LVRN: variants seen among roughly 807,000 people sequenced by gnomAD.
The protein encoded by LVRN is aminopeptidase Q.
A neutral mutation model predicts 111.4 loss-of-function variants in LVRN; 99 were observed. The ratio of observed to expected loss-of-function variants is 0.89; its 90% CI spans 0.76 to 1.05. The LOEUF (loss-of-function observed/expected upper bound fraction) is 1.05, where lower values mean the gene tolerates loss of function less well. Among genes scored for constraint, LVRN ranks in the 50% least tolerant of loss-of-function variants. LVRN has a pLI of 0.00. For synonymous variants in LVRN, 488 were observed against 449.5 expected (o/e 1.09, Z -1.08); for missense variants, 1,414 against 1,206.8 (o/e 1.17, Z -2.54).
chr5:116,009,508 T>C (rs1224600054), intron 13 of LVRN, among the ~76,000 whole-genome samples: 1 of 152,170 alleles, frequency 6.6e-6, no homozygotes, highest in South Asian at 2.1e-4. Context: ...CCAAAGTAAA[T>C]TGAAAATCTT....
chr5:115,971,092 A>G (rs974015351), intron 1 of LVRN, among the ~76,000 whole-genome samples: 3 of 152,148 alleles, frequency 2.0e-5, no homozygotes, highest in Admixed American at 6.5e-5. Flanking sequence ...GTTTTAATTT[A>G]TATTTTCCCA....
Position 115,992,125 on chromosome 5 carries a change from A to G in LVRN, c.1108A>G (p.Ile370Val), listed in dbSNP as rs1462836701. 1 of 1,610,688 alleles carries G rather than the reference A, an allele frequency of 6.2e-7. No homozygotes were observed. The highest frequency in any genetic ancestry group is 1.7e-5 in the Admixed American group (1 of 59,342). ...NISYSLPKTDIIALPSFDNHA... is the reference protein window; with the variant it reads ...NISYSLPKTDVIALPSFDNHA... The stretch of plus-strand genomic sequence containing the variant: ...CTCCTCCATTTAAATCCACTTAGAT[A>G]TAATTGCCTTGCCTAGTTTTGACAA... The change falls in exon 5 of 20, where the codon ATA (isoleucine) becomes GTA (valine). Residue 370 changes from isoleucine (I) to valine (V), a missense_variant and splice_region_variant. By Grantham distance (29) the Ile-to-Val change is conservative. Transcript: ENST00000357872.
intron 18 of LVRN, 36 bp downstream of exon 18, chr5:116,015,801 C>T (rs17485148): frequency 0.73 from 1,167,935 of 1,606,180 alleles, 428,774 homozygotes; most frequent in East Asian, 0.96. Context: ...TTCATTTAGG[C>T]CACTGGTTTG....
chr5:116,001,499 C>A (rs530710924), intron 10 of LVRN, among the ~76,000 whole-genome samples: 40 of 152,300 alleles, frequency 2.6e-4, no homozygotes, highest in African/African-American at 8.2e-4. Flanking sequence ...GTGTGTTCCT[C>A]TTCATCCCTC....
At chr5:115,985,843 A>G (rs2112575146) in intron 3 of LVRN, among the ~76,000 whole-genome samples, 1 of 152,310 alleles carries the variant, frequency 6.6e-6, no homozygotes, top group East Asian at 1.9e-4. Context: ...CCTTAGGCCC[A>G]GTTCTTTCTA....
chr5:115,982,512 G>GT lies in LVRN; in HGVS notation c.696-768dup, dbSNP rs1753581624. Among the ~76,000 whole-genome samples, 4 of 152,190 alleles carry GT rather than the reference G, an allele frequency of 2.6e-5. No homozygotes were observed. The South Asian group carries it at 6.2e-4, about 24-fold the overall frequency. On this transcript the variant is annotated intron_variant, in intron 1 of 19. Coordinates refer to ENST00000357872, the MANE Select transcript of LVRN (RefSeq NM_173800.5). ...GCAAATGGGATAATGAGACTGCAGGGTTTTTTTGTTTTGTTTGTTTTGAGA... is the reference window on the plus strand; with the variant it reads ...GCAAATGGGATAATGAGACTGCAGGGTTTTTTTTGTTTTGTTTGTTTTGAGA...
Position 115,984,655 on chromosome 5 carries a change from C to T in LVRN, c.924C>T (p.Val308=), listed in dbSNP as rs750451334. 5.0e-6 allele frequency: 8 copies of T among 1,613,474 alleles called. No homozygotes were observed. In the East Asian group the frequency reaches 6.7e-5, roughly 13 times the overall value. The change falls in exon 3 of 20, where the codon GTC becomes GTT. Residue 308 remains valine, a synonymous_variant. Coordinates refer to ENST00000357872, the MANE Select transcript of LVRN (RefSeq NM_173800.5). The part of the protein sequence containing the change: ...STTPHMPTYL[V]AFVICDYDHV... ...CGCCCCACATGCCAACTTACTTAGT[C>T]GCATTTGTTATATGTGACTATGACC...
intron 2 of LVRN, among the ~76,000 whole-genome samples, chr5:115,984,160 C>A (rs889762296): frequency 2.0e-5 from 3 of 152,168 alleles, no homozygotes; most frequent in African/African-American, 7.2e-5. Context: ...ATTGCTTCCA[C>A]TAAAGTCTTA....
chr5:116,012,404 TG>T lies in LVRN; in HGVS notation c.2280del (p.Trp760Ter). 1 of 1,527,298 alleles carries T rather than the reference TG, an allele frequency of 6.5e-7. No homozygotes were observed. The highest frequency in any genetic ancestry group is 9.0e-7 in the Non-Finnish European group (1 of 1,109,116). The allele number at this position is 1,527,298 out of a possible 1,614,324, so 94.6% of individuals were successfully genotyped here. On this transcript the variant is annotated frameshift_variant, in exon 15 of 20. Coordinates refer to ENST00000357872, the MANE Select transcript of LVRN (RefSeq NM_173800.5). LOFTEE classifies it high-confidence loss of function. ...CCTATTAAAGAGACTTAATTTAATA[TG>T]GAATATTTATTCAACTATAATTCGT... ...RYLLKRLNLI[W>X]NIYSTIIREN...
chr5:116,021,899 C>G (rs564262652), intron 18 of LVRN: 1 of 318,716 alleles, frequency 3.1e-6, no homozygotes, highest in Non-Finnish European at 6.1e-6. Flanking sequence ...TGGTGCTCAG[C>G]CTTCAGGGTC....
intron 6 of LVRN, among the ~76,000 whole-genome samples, chr5:115,996,045 A>G (rs1482228056): frequency 6.6e-6 from 1 of 152,154 alleles, no homozygotes; most frequent in African/African-American, 2.4e-5. Flanking sequence ...CTCTATGCCT[A>G]CAAAATTGTT....
In LVRN at chr5:115,987,925, C is replaced by G. The variant is rs753295773; in HGVS notation, c.1091C>G (p.Ser364Cys). 1.2e-6 allele frequency: 2 copies of G among 1,610,444 alleles called. No individual in the cohort carries two copies. Among genetic ancestry groups the G allele is most frequent in the South Asian group, 1.1e-5 (1 of 90,222 alleles). The change falls in exon 4 of 20, where the codon TCT (serine) becomes TGT (cysteine). Residue 364 changes from serine (S) to cysteine (C), a missense_variant. Ser to Cys is a moderately radical substitution (Grantham distance 112, BLOSUM62 -1). Coordinates refer to ENST00000357872, the MANE Select transcript of LVRN (RefSeq NM_173800.5). The stretch of plus-strand genomic sequence containing the variant: ...GAGGATTTGTTTAATATCAGTTACT[C>G]TCTTCCAAAAACAGGTGAGGTAATC... Reference protein sequence around the residue: ...FLEDLFNISYSLPKTDIIALP... With the variant: ...FLEDLFNISYCLPKTDIIALP...
At chr5:115,990,547 A>G (rs77943864) in intron 4 of LVRN, among the ~76,000 whole-genome samples, 11,159 of 152,030 alleles carry the variant, frequency 0.073, 510 homozygotes, top group East Asian at 0.19. Flanking sequence ...TTTATAGTGT[A>G]TTTTGGTGAA....
In LVRN at chr5:115,984,653, G is replaced by A. The variant is rs1438080608; in HGVS notation, c.922G>A (p.Val308Ile). The A allele has an allele frequency of 9.3e-6, 15 of 1,613,572 alleles. No homozygotes were observed. The highest frequency in any genetic ancestry group is 1.3e-5 in the Non-Finnish European group (15 of 1,179,760). ...STTPHMPTYL[V>I]AFVICDYDHV... is the part of the protein sequence containing the mutation. ...TACGCCCCACATGCCAACTTACTTAGTCGCATTTGTTATATGTGACTATGA... is the reference window on the plus strand; with the variant it reads ...TACGCCCCACATGCCAACTTACTTAATCGCATTTGTTATATGTGACTATGA... Residue 308 changes from valine to isoleucine, a missense_variant, in exon 3 of 20, where the codon GTC (valine) becomes ATC (isoleucine). By Grantham distance (29) the Val-to-Ile change is conservative. Coordinates refer to ENST00000357872, the MANE Select transcript of LVRN (RefSeq NM_173800.5).
At chr5:116,015,180 T>C (rs1211979540) in intron 16 of LVRN, 72 bp from the exon 17 acceptor site, 2 of 1,221,782 alleles carry the variant, frequency 1.6e-6, no homozygotes, top group African/African-American at 3.2e-5. Flanking sequence ...TCTAGATTCA[T>C]ACTTCTAAAA....
chr5:116,005,825 A>G (rs1296507728), intron 12 of LVRN, 87 bp from the exon 13 acceptor site: 2 of 1,072,400 alleles, frequency 1.9e-6, no homozygotes, highest in Non-Finnish European at 2.9e-6. Flanking sequence ...TATAGGCAGC[A>G]GTAATCTTTA....
chr5:116,015,600 T>C (rs1431513689), intron 17 of LVRN, 28 bp from the exon 18 acceptor site: 3 of 1,583,000 alleles, frequency 1.9e-6, no homozygotes, highest in East Asian at 4.5e-5. Context: ...ATGTTTAAAA[T>C]GTATTTTTTG....
intron 6 of LVRN, among the ~76,000 whole-genome samples, chr5:115,998,488 G>T (rs952105186): frequency 1.3e-5 from 2 of 152,180 alleles, no homozygotes; most frequent in Non-Finnish European, 2.9e-5. Context: ...ACATTTTAAT[G>T]GTGGCGACCT....
intron 18 of LVRN, among the ~76,000 whole-genome samples, chr5:116,018,397 C>T (rs116420140): frequency 0.033 from 5,054 of 151,876 alleles, 198 homozygotes; most frequent in African/African-American, 0.096. Flanking sequence ...TCTACATTTC[C>T]GGTGGCTCAC....
Sources: gnomAD v4.1 joint callset for allele counts (sites outside exome capture counted in the v4.1 genomes callset) on GRCh38, gnomAD v4.1.1 for gene constraint, MANE v1.5 for transcripts, NCBI Gene and HGNC (gene_info 2026-07-23, HGNC 2026-07-21) for gene names.